The following ADGRB3 variants were observed in gnomAD, a reference collection of about 807,000 sequenced individuals.
ADGRB3 encodes the protein brain-specific angiogenesis inhibitor 3.
ADGRB3 carries 37 observed loss-of-function variants against 193.4 expected under a neutral mutation model. That is an observed-to-expected ratio of 0.19 (90% CI 0.15 to 0.25). The LOEUF (loss-of-function observed/expected upper bound fraction) is 0.25. Ranked by LOEUF, ADGRB3 falls within the 10% of genes least tolerant of loss-of-function variation. ADGRB3 has a pLI of 1.00. For missense variants in ADGRB3, 1,637 were observed against 1,852.9 expected, an observed-to-expected ratio of 0.88 and a Z score of 2.14; for synonymous variants, 690 against 644.2, an observed-to-expected ratio of 1.07 and a Z score of -1.08.
At chr6:68,815,498 G>A (rs1345333745) in intron 3 of ADGRB3, among the ~76,000 whole-genome samples, 1 of 151,938 alleles carries the variant, frequency 6.6e-6, no homozygotes, top group Admixed American at 6.6e-5. Flanking sequence ...ATCCCAAAGG[G>A]AGAATTTATT....
At chr6:69,228,017 A>G (rs1290564460) in intron 17 of ADGRB3, among the ~76,000 whole-genome samples, 1 of 152,206 alleles carries the variant, frequency 6.6e-6, no homozygotes, top group Non-Finnish European at 1.5e-5. Context: ...GCACTTTGGG[A>G]GGCCAAGGCA....
chr6:68,993,738 A>T, intron 10 of ADGRB3, 30 bp from the exon 11 acceptor site: 1 of 1,579,324 alleles, frequency 6.3e-7, no homozygotes, highest in South Asian at 1.2e-5. Context: ...GAAGATTCTG[A>T]TGTTTGCTCT....
Position 68,878,939 on chromosome 6 carries a change from T to TACTC in ADGRB3, c.758-51616_758-51613dup, listed in dbSNP as rs530799992. On this transcript the variant is annotated intron_variant, in intron 3 of 31. Transcript: ENST00000370598. Reference sequence around the variant, plus strand: ...TAAAACCATCATATCTCGTGAGACTTACTCACTATCAGGAGAACAGCACAG... The same window carrying TACTC: ...TAAAACCATCATATCTCGTGAGACTTACTCACTCACTATCAGGAGAACAGCACAG... Among the ~76,000 whole-genome samples the TACTC allele has an allele frequency of 2.0e-5, 3 of 152,076 alleles. No individual in the cohort carries two copies. In the East Asian group the frequency reaches 5.8e-4, roughly 29 times the overall value.
At chr6:68,949,646 T>TA (rs1767863709) in intron 6 of ADGRB3, among the ~76,000 whole-genome samples, 1 of 152,176 alleles carries the variant, frequency 6.6e-6, no homozygotes, top group Non-Finnish European at 1.5e-5. Context: ...ATGAGGTTGT[T>TA]ATAATTTGTA....
chr6:68,752,715 G>C (rs530785233), intron 3 of ADGRB3, among the ~76,000 whole-genome samples: 37 of 152,280 alleles, frequency 2.4e-4, no homozygotes, highest in African/African-American at 8.9e-4. Flanking sequence ...AGCTGTTGGG[G>C]TTAAGTTCAA....
chr6:69,157,645 T>C (rs753000212), intron 17 of ADGRB3, among the ~76,000 whole-genome samples: 2 of 151,606 alleles, frequency 1.3e-5, no homozygotes, highest in Non-Finnish European at 1.5e-5. Flanking sequence ...TAATAAATGA[T>C]TAGGTTGGTG....
intron 11 of ADGRB3, among the ~76,000 whole-genome samples, chr6:68,997,177 A>G (rs1344303138): frequency 6.6e-6 from 1 of 152,194 alleles, no homozygotes; most frequent in African/African-American, 2.4e-5. Context: ...TAGCAAGATC[A>G]TAGGAAAAGT....
Position 69,115,888 on chromosome 6 carries a change from C to T in ADGRB3, c.2480+39850C>T, listed in dbSNP as rs147483434. Among the ~76,000 whole-genome samples the T allele has an allele frequency of 1.8e-3, 271 of 152,216 alleles. 2 individuals are homozygous for T. The highest frequency in any genetic ancestry group is 6.2e-3 in the African/African-American group (258 of 41,530). ...AAAATTATACAAATGTTGCTTACAT[C>T]TAGGTAAAAGTGGGTGTATCAGTCT... On this transcript the variant is annotated intron_variant, in intron 17 of 31. Coordinates refer to ENST00000370598, the MANE Select transcript of ADGRB3 (RefSeq NM_001704.3).
At chr6:68,842,820 A>G (rs1473915353) in intron 3 of ADGRB3, among the ~76,000 whole-genome samples, 2 of 152,062 alleles carry the variant, frequency 1.3e-5, no homozygotes, top group Non-Finnish European at 2.9e-5. Flanking sequence ...AAGATCATTC[A>G]TCATCACCAA....
In ADGRB3 at chr6:68,956,740, G is replaced by C. The variant is rs1182235987; in HGVS notation, c.1456G>C (p.Val486Leu). The C allele has an allele frequency of 2.5e-6, 4 of 1,613,976 alleles. No individual in the cohort carries two copies. The African/African-American group carries it at 5.3e-5, about 22-fold the overall frequency. The part of the protein sequence containing the change: ...ERRIRTCQGA[V>L]ITGQQCEGTG... Reference sequence around the variant, plus strand: ...GCGAATAAGGACCTGTCAGGGTGCAGTGATAACAGGGCAGCAATGTGAAGG... The same window carrying C: ...GCGAATAAGGACCTGTCAGGGTGCACTGATAACAGGGCAGCAATGTGAAGG... The change falls in exon 8 of 32, where the codon GTG becomes CTG. Residue 486 changes from valine to leucine, a missense_variant. Val to Leu is a conservative substitution (Grantham distance 32). This residue lies in a region of ADGRB3 where 641 missense variants were observed against 673.9 expected (regional missense o/e 0.95). Transcript: ENST00000370598.
chr6:68,793,316 G>A (rs543032712), intron 3 of ADGRB3, among the ~76,000 whole-genome samples: 21 of 152,072 alleles, frequency 1.4e-4, no homozygotes, highest in African/African-American at 4.3e-4. Flanking sequence ...CACACATTTT[G>A]TCCATGTACT....
intron 17 of ADGRB3, among the ~76,000 whole-genome samples, chr6:69,230,755 C>T (rs1019143749): frequency 6.6e-6 from 1 of 152,182 alleles, no homozygotes; most frequent in African/African-American, 2.4e-5. Flanking sequence ...GTTACCCACC[C>T]CCCTCCTCAC....
intron 3 of ADGRB3, among the ~76,000 whole-genome samples, chr6:68,728,941 T>C (rs1302649270): frequency 1.3e-5 from 2 of 151,452 alleles, no homozygotes; most frequent in East Asian, 3.9e-4. Flanking sequence ...AATTCTTCAA[T>C]GTGATTTTTT....
intron 20 of ADGRB3, among the ~76,000 whole-genome samples, chr6:69,293,446 A>G: frequency 6.6e-6 from 1 of 152,152 alleles, no homozygotes; most frequent in African/African-American, 2.4e-5. Context: ...CCTGTCCACA[A>G]GTGCTTCCAA....
chr6:69,226,575 C>A (rs1223121220), intron 17 of ADGRB3, among the ~76,000 whole-genome samples: 3 of 152,192 alleles, frequency 2.0e-5, no homozygotes, highest in African/African-American at 7.2e-5. Context: ...AGAGTAAGGG[C>A]AAAGGGCACT....
intron 17 of ADGRB3, among the ~76,000 whole-genome samples, chr6:69,108,068 C>G (rs1773262373): frequency 6.6e-6 from 1 of 151,730 alleles, no homozygotes; most frequent in South Asian, 2.1e-4. Context: ...AAAAAGTCAG[C>G]CGAAGAAGAA....
At chr6:68,753,982 C>G (rs1286539547) in intron 3 of ADGRB3, among the ~76,000 whole-genome samples, 1 of 152,216 alleles carries the variant, frequency 6.6e-6, no homozygotes, top group East Asian at 1.9e-4. Context: ...TACTATCCGT[C>G]TGAGGTAACA....
chr6:68,842,611 C>T (rs949306425), intron 3 of ADGRB3, among the ~76,000 whole-genome samples: 1 of 151,874 alleles, frequency 6.6e-6, no homozygotes, highest in African/African-American at 2.4e-5. Context: ...AATATTGATC[C>T]TACTCAAACT....
At chr6:69,255,484 T>A (rs1448807682) in intron 20 of ADGRB3, among the ~76,000 whole-genome samples, 1 of 152,222 alleles carries the variant, frequency 6.6e-6, no homozygotes, top group Non-Finnish European at 1.5e-5. Context: ...TTTCATGTGT[T>A]TTTTGGCTGC....
Sources: allele counts gnomAD v4.1 joint callset (sites outside exome capture counted in the v4.1 genomes callset), GRCh38; gene constraint gnomAD v4.1.1; regional missense constraint gnomAD v4.1.1; transcripts MANE v1.5; gene names NCBI Gene and HGNC (gene_info 2026-07-23, HGNC 2026-07-21).